The following GPA33 variants were observed in gnomAD, a reference collection of about 807,000 sequenced individuals.
GPA33 encodes the protein cell surface A33 antigen.
GPA33 carries 27 observed loss-of-function variants against 35.6 expected under a neutral mutation model. The ratio of observed to expected loss-of-function variants is 0.76; its 90% CI spans 0.56 to 1.04. The LOEUF (loss-of-function observed/expected upper bound fraction) is 1.04. Ranked by LOEUF, GPA33 falls within the 50% of genes least tolerant of loss-of-function variation. The pLI is 0.00. For missense variants in GPA33, 428 were observed against 411.9 expected, an observed-to-expected ratio of 1.04 and a Z score of -0.34; for synonymous variants, 176 against 164.0, an observed-to-expected ratio of 1.07 and a Z score of -0.56.
At chr1:167,077,673 A>G (rs922004526) in intron 1 of GPA33, among the ~76,000 whole-genome samples, 3 of 152,324 alleles carry the variant, frequency 2.0e-5, no homozygotes, top group South Asian at 2.1e-4. Flanking sequence ...TAGACAATGG[A>G]GTGTCTAATT....
intron 5 of GPA33, 51 bp from the exon 6 acceptor site, chr1:167,055,162 G>T: frequency 6.3e-7 from 1 of 1,596,400 alleles, no homozygotes; most frequent in Non-Finnish European, 8.5e-7. Context: ...GCTAGCTCCG[G>T]GTCTCCTCCC....
At chr1:167,067,966 C>A (rs192100701) in intron 3 of GPA33, among the ~76,000 whole-genome samples, 2 of 151,842 alleles carry the variant, frequency 1.3e-5, no homozygotes, top group Non-Finnish European at 2.9e-5. Context: ...TGGAAGGAGA[C>A]CTTAGTTATT....
Position 167,054,254 on chromosome 1 carries a change from G to C in GPA33, c.*80C>G. 1 of 1,540,720 alleles carries C rather than the reference G, an allele frequency of 6.5e-7. No homozygotes were observed. The highest frequency in any genetic ancestry group is 2.2e-5 in the East Asian group (1 of 44,542). ...TGGGATGGAGGGACAGGAGAACAGG[G>C]CTTAGAAAGGAGAAGGGAGGCCAGG... On this transcript the variant is annotated 3_prime_UTR_variant, in exon 7 of 7. Transcript: ENST00000367868.
At chr1:167,062,014 C>T (rs1036198350) in intron 4 of GPA33, among the ~76,000 whole-genome samples, 1 of 152,086 alleles carries the variant, frequency 6.6e-6, no homozygotes, top group Non-Finnish European at 1.5e-5. Context: ...ATCCCCACCC[C>T]CGGGGCACCT....
At chr1:167,083,137 A>G (rs1250408676) in intron 1 of GPA33, among the ~76,000 whole-genome samples, 1 of 152,246 alleles carries the variant, frequency 6.6e-6, no homozygotes, top group Non-Finnish European at 1.5e-5. Context: ...CAGAAGGCAC[A>G]GAAGCTCCTG....
At chr1:167,089,221 C>T (rs761821303) in intron 1 of GPA33, among the ~76,000 whole-genome samples, 1 of 152,166 alleles carries the variant, frequency 6.6e-6, no homozygotes, top group East Asian at 1.9e-4. Flanking sequence ...ATGTCTAGGG[C>T]CTGGGAGAAC....
chr1:167,079,414 C>T (rs556090264), intron 1 of GPA33, among the ~76,000 whole-genome samples: 19 of 151,450 alleles, frequency 1.3e-4, no homozygotes, highest in African/African-American at 4.4e-4. Flanking sequence ...ATTGCTTTAA[C>T]CCAGGAGGTG....
rs1253823064 is a variant in GPA33, at chr1:167,068,991, C to T, written c.346G>A (p.Glu116Lys). The change falls in exon 3 of 7, where the codon GAG becomes AAG. Residue 116 changes from glutamate (E) to lysine (K), a missense_variant. Coordinates refer to ENST00000367868, the MANE Select transcript of GPA33 (RefSeq NM_005814.3). ...TCTGACATCAGCGAGACAGAACACT[C>T]GTAGGTGCCGTTGTCAGCCATGGTC... ...QLTMADNGTY[E>K]CSVSLMSDLE... The T allele has an allele frequency of 3.1e-6, 5 of 1,614,036 alleles. No individual in the cohort carries two copies. Among genetic ancestry groups the T allele is most frequent in the African/African-American group, 1.3e-5 (1 of 75,036 alleles).
At position 167,063,621 on chromosome 1, in the gene GPA33, A is replaced by T. The variant is rs747777864; in HGVS notation, c.532T>A (p.Tyr178Asn). The T allele has an allele frequency of 5.0e-6, 8 of 1,612,704 alleles. No homozygotes were observed. Among genetic ancestry groups the T allele is most frequent in the Non-Finnish European group, 6.8e-6 (8 of 1,179,414 alleles). ...GGCTGCTCCTGATTCAGGATGTTGT[A>T]CCTCTTCCAGCTGTACTGAGGGGTT... ...SPTPQYSWKR[Y>N]NILNQEQPLA... is the part of the protein sequence containing the mutation. The change falls in exon 4 of 7, where the codon TAC (tyrosine) becomes AAC (asparagine). Residue 178 changes from tyrosine (Y) to asparagine (N), a missense_variant. By Grantham distance (143) the Tyr-to-Asn change is moderately radical (BLOSUM62 -2). Coordinates refer to ENST00000367868, the MANE Select transcript of GPA33 (RefSeq NM_005814.3).
chr1:167,066,703 T>A (rs562236607), intron 3 of GPA33, among the ~76,000 whole-genome samples: 2 of 152,322 alleles, frequency 1.3e-5, no homozygotes, highest in South Asian at 4.1e-4. Flanking sequence ...AGATGTTACC[T>A]GAATATTCAC....
intron 1 of GPA33, among the ~76,000 whole-genome samples, chr1:167,085,259 C>T (rs1667025887): frequency 6.6e-6 from 1 of 152,066 alleles, no homozygotes; most frequent in Non-Finnish European, 1.5e-5. Flanking sequence ...GCTAAGGAGA[C>T]ATGGAAACAT....
intron 1 of GPA33, among the ~76,000 whole-genome samples, chr1:167,086,495 G>C (rs999521437): frequency 6.6e-6 from 1 of 152,208 alleles, no homozygotes; most frequent in African/African-American, 2.4e-5. Context: ...ATAGGCCATC[G>C]TGATAGGGCA....
rs958242191 is a variant in GPA33, at chr1:167,082,231, T to C, written c.43+8014A>G. ...GAAGAAAATACACCAAAATACAGTA[T>C]TAATAACAGTTACCTGTGGATTCTG... On this transcript the variant is annotated intron_variant, in intron 1 of 6. Transcript: ENST00000367868. The C allele has an allele frequency of 1.8e-5, 8 of 455,572 alleles. No individual in the cohort carries two copies. The Admixed American group carries it at 1.9e-4, about 11-fold the overall frequency. 28.2% of individuals were successfully genotyped at this position (455,572 alleles called of 1,614,324 possible).
At chr1:167,089,186 C>T (rs1415940193) in intron 1 of GPA33, among the ~76,000 whole-genome samples, 1 of 152,166 alleles carries the variant, frequency 6.6e-6, no homozygotes, top group Non-Finnish European at 1.5e-5. Context: ...TCGAGAGCCC[C>T]AAGGCCAGGT....
At chr1:167,065,145 G>A (rs4657629) in intron 3 of GPA33, among the ~76,000 whole-genome samples, 101,323 of 151,964 alleles carry the variant, frequency 0.67, 34,011 homozygotes, top group South Asian at 0.72. Context: ...GGACACAGTG[G>A]GTGGGTCAAG....
At chr1:167,082,947 A>G (rs994421321) in intron 1 of GPA33, among the ~76,000 whole-genome samples, 60 of 152,246 alleles carry the variant, frequency 3.9e-4, no homozygotes, top group African/African-American at 1.3e-3. Context: ...TGCCCCAGGC[A>G]GAAAGGGGAC....
rs1571314383 is a variant in GPA33 at position 167,073,333 on chromosome 1, T to C, written c.198+52A>G. 1.0e-5 allele frequency: 15 copies of C among 1,494,014 alleles called. 1 individual carries two copies. The East Asian group carries it at 3.4e-4, about 34-fold the overall frequency. 92.5% of individuals were successfully genotyped at this position (1,494,014 alleles called of 1,614,324 possible). A position where few individuals can be genotyped will look rare whatever the true frequency, so the allele number is the denominator to read the frequency against. ...ATAGTGCTTGCCTTCTAAGAGGTCC[T>C]GGTCAGGTGATAATCATTCCCATGT... On this transcript the variant is annotated intron_variant, in intron 2 of 6. Transcript: ENST00000367868.
At chr1:167,085,070 T>C (rs1667022801) in intron 1 of GPA33, among the ~76,000 whole-genome samples, 1 of 152,216 alleles carries the variant, frequency 6.6e-6, no homozygotes, top group African/African-American at 2.4e-5. Context: ...CTGTTGGACT[T>C]GTGAGACAAT....
At chr1:167,078,434 C>T (rs763527674) in intron 1 of GPA33, among the ~76,000 whole-genome samples, 12 of 152,250 alleles carry the variant, frequency 7.9e-5, no homozygotes, top group East Asian at 1.9e-4. Flanking sequence ...GAAACAACAC[C>T]CACTATTCTC....
Sources: gnomAD v4.1 joint callset for allele counts (sites outside exome capture counted in the v4.1 genomes callset) on GRCh38, gnomAD v4.1.1 for gene constraint, MANE v1.5 for transcripts, NCBI Gene and HGNC (gene_info 2026-07-23, HGNC 2026-07-21) for gene names.